The following PPM1B variants were observed in gnomAD, a reference collection of about 807,000 sequenced individuals.
PPM1B encodes the protein protein phosphatase 1B.
Under a neutral mutation model 43.0 loss-of-function variants are expected in PPM1B, and 22 were observed. The observed-to-expected ratio is 0.51, with a 90% CI of 0.37 to 0.73. The LOEUF is 0.73. PPM1B is among the 30% of genes least tolerant of loss of function. The pLI, the probability that PPM1B is intolerant of heterozygous loss-of-function variation, is 0.00. For synonymous variants in PPM1B, 217 were observed against 197.9 expected (o/e 1.10, Z -0.81); for missense variants, 632 against 584.2 (o/e 1.08, Z -0.84).
At chr2:44,213,269 A>G (rs1459545616) in intron 3 of PPM1B, among the ~76,000 whole-genome samples, 1 of 151,510 alleles carries the variant, frequency 6.6e-6, no homozygotes, top group Non-Finnish European at 1.5e-5. Context: ...GGACTTTGAT[A>G]TCATACCAAG....
intron 1 of PPM1B, among the ~76,000 whole-genome samples, chr2:44,185,998 T>A (rs979960415): frequency 2.3e-4 from 35 of 152,176 alleles, no homozygotes; most frequent in African/African-American, 8.0e-4. Flanking sequence ...AGCTACATGT[T>A]CTGTTTCTGT....
intron 5 of PPM1B, among the ~76,000 whole-genome samples, chr2:44,239,955 T>G (rs1283743164): frequency 6.8e-6 from 1 of 147,494 alleles, no homozygotes; most frequent in Non-Finnish European, 1.5e-5. Flanking sequence ...CTATAGCCTC[T>G]TAAGTGCTGA....
intron 1 of PPM1B, among the ~76,000 whole-genome samples, chr2:44,190,494 C>A (rs1668359792): frequency 6.6e-6 from 1 of 152,116 alleles, no homozygotes; most frequent in Non-Finnish European, 1.5e-5. Context: ...TTGAAACTTA[C>A]TCTCATGTCT....
At chr2:44,211,025 A>G (rs1223778712) in intron 3 of PPM1B, among the ~76,000 whole-genome samples, 1 of 151,764 alleles carries the variant, frequency 6.6e-6, no homozygotes, top group Non-Finnish European at 1.5e-5. Flanking sequence ...AATCCCAGCT[A>G]CTCCGGAGGC....
chr2:44,183,048 T>A (rs1203187705), intron 1 of PPM1B, among the ~76,000 whole-genome samples: 1 of 152,252 alleles, frequency 6.6e-6, no homozygotes, highest in African/African-American at 2.4e-5. Context: ...GTCACACTTT[T>A]CAGTGAGTAG....
chr2:44,211,742 C>CTTTTTTTTTT (rs55716263), intron 3 of PPM1B, among the ~76,000 whole-genome samples: 2 of 78,614 alleles, frequency 2.5e-5, no homozygotes, highest in Non-Finnish European at 4.7e-5. Flanking sequence ...CTGATTCTGT[C>CTTTTTTTTTT]TTTTTTTTTT....
chr2:44,222,138 C>T (rs969990843), intron 5 of PPM1B, among the ~76,000 whole-genome samples: 1 of 152,152 alleles, frequency 6.6e-6, no homozygotes, highest in East Asian at 1.9e-4. Flanking sequence ...GATCATACTC[C>T]TTCCCTTTTT....
chr2:44,186,428 A>C (rs919239282), intron 1 of PPM1B, among the ~76,000 whole-genome samples: 1 of 152,164 alleles, frequency 6.6e-6, no homozygotes, highest in African/African-American at 2.4e-5. Context: ...GAACGCAGTC[A>C]TATCATCTCA....
chr2:44,201,893 G>A lies in PPM1B; in HGVS notation c.694G>A (p.Ala232Thr). The A allele has an allele frequency of 6.2e-7, 1 of 1,614,142 alleles. No individual in the cohort carries two copies. Among genetic ancestry groups the A allele is most frequent in the Non-Finnish European group, 8.5e-7 (1 of 1,180,014 alleles). The change falls in exon 2 of 6, where the codon GCA becomes ACA. Residue 232 changes from alanine (A) to threonine (T), a missense_variant. This residue lies in a region of PPM1B where 392 missense variants were observed against 302.7 expected (regional missense o/e 1.29). Transcript: ENST00000282412. The surrounding 1 kb of genome is among the most constrained non-coding windows in gnomAD (Gnocchi z 5.4). Reference sequence around the variant, plus strand: ...GCCTGAGGTTTATGAAATTTTAAGAGCAGAAGAGGATGAATTTATCATCTT... The same window carrying A: ...GCCTGAGGTTTATGAAATTTTAAGAACAGAAGAGGATGAATTTATCATCTT... ...PEPEVYEILRAEEDEFIILAC... is the reference protein window; with the variant it reads ...PEPEVYEILRTEEDEFIILAC...
intron 1 of PPM1B, among the ~76,000 whole-genome samples, chr2:44,192,164 T>TG (rs1668432900): frequency 1.4e-5 from 2 of 147,912 alleles, no homozygotes; most frequent in Non-Finnish European, 3.0e-5. Flanking sequence ...ATTATTTTTA[T>TG]TTTATGTTAT....
chr2:44,235,925 T>TA (rs199501207), downstream of PPM1B, among the ~76,000 whole-genome samples: 16 of 151,746 alleles, frequency 1.1e-4, no homozygotes, highest in African/African-American at 1.7e-4. Flanking sequence ...TCTTTTATAT[T>TA]AAAAAAAACT....
chr2:44,171,176 G>T (rs754937511), intron 1 of PPM1B, among the ~76,000 whole-genome samples: 13 of 152,148 alleles, frequency 8.5e-5, no homozygotes, highest in Non-Finnish European at 1.8e-4. Flanking sequence ...TTTCAACACC[G>T]TTTTCTTACA....
chr2:44,209,068 A>T, intron 2 of PPM1B, 142 bp from the exon 3 acceptor site: 2 of 712,600 alleles, frequency 2.8e-6, no homozygotes, highest in Non-Finnish European at 4.3e-6. Flanking sequence ...TGTTTTTAGT[A>T]ATTCATTGGA....
intron 1 of PPM1B, among the ~76,000 whole-genome samples, chr2:44,198,230 G>A (rs1051252435): frequency 6.6e-6 from 1 of 152,024 alleles, no homozygotes; most frequent in African/African-American, 2.4e-5. Context: ...GCACGATCCC[G>A]GCTCACCACA....
Position 44,201,136 on chromosome 2 carries a change from T to C in PPM1B, c.-14-50T>C. On this transcript the variant is annotated intron_variant, in intron 1 of 5. Transcript: ENST00000282412. The surrounding 1 kb of genome is among the most constrained non-coding windows in gnomAD (Gnocchi z 5.4). ...TAGACTATAGAGGGAATATTGTACA[T>C]ACATTTTCTGTCAAATTTAAACATT... is the stretch of plus-strand genomic sequence containing the variant. The C allele has an allele frequency of 1.3e-6, 2 of 1,488,938 alleles. No individual in the cohort carries two copies. The allele number at this position is 1,488,938 out of a possible 1,614,324, so 92.2% of individuals were successfully genotyped here.
intron 1 of PPM1B, among the ~76,000 whole-genome samples, chr2:44,192,810 A>G (rs1420943473): frequency 6.6e-6 from 1 of 152,242 alleles, no homozygotes; most frequent in African/African-American, 2.4e-5. Context: ...AAGTGAGAAT[A>G]TACAATATTT....
At chr2:44,231,770 T>A (rs60245778), downstream of PPM1B, among the ~76,000 whole-genome samples, 5,762 of 152,252 alleles carry the variant, frequency 0.038, 352 homozygotes, top group African/African-American at 0.13. Context: ...TGCAGAATTG[T>A]CCATTTTGTT....
intron 3 of PPM1B, among the ~76,000 whole-genome samples, chr2:44,210,802 C>T (rs151273720): frequency 7.0e-4 from 107 of 152,038 alleles, no homozygotes; most frequent in Admixed American, 2.7e-3. Context: ...CTTAATAAAA[C>T]GAAGATTACA....
Position 44,223,492 on chromosome 2 carries a change from T to C in PPM1B, c.1134+4955T>C, listed in dbSNP as rs373849239. Among the ~76,000 whole-genome samples the C allele has an allele frequency of 2.6e-5, 4 of 152,138 alleles. 1 individual carries two copies. Among genetic ancestry groups the C allele is most frequent in the South Asian group, 4.2e-4 (2 of 4,804 alleles). ...TACTTTTTATTCACTTGTCAAAGCA[T>C]TGCTATGGAGAAGACCTATACTGTT... On this transcript the variant is annotated intron_variant, in intron 5 of 5. Transcript: ENST00000282412.
Sources: allele counts gnomAD v4.1 joint callset (sites outside exome capture counted in the v4.1 genomes callset), GRCh38; gene constraint gnomAD v4.1.1; regional missense constraint gnomAD v4.1.1; non-coding constraint Gnocchi (gnomAD v3.1); transcripts MANE v1.5; gene names NCBI Gene and HGNC (gene_info 2026-07-23, HGNC 2026-07-21).